Variants in GHR observed in about 807,000 individuals in gnomAD.
GHR encodes growth hormone receptor.
A neutral mutation model predicts 67.1 loss-of-function variants in GHR; 35 were observed. The ratio of observed to expected loss-of-function variants is 0.52; its 90% CI spans 0.40 to 0.69. GHR has a LOEUF of 0.69. Among genes scored for constraint, GHR ranks in the 30% least tolerant of loss-of-function variants. The pLI is 0.00. For missense variants in GHR, 792 were observed against 764.6 expected, an observed-to-expected ratio of 1.04 and a Z score of -0.42; for synonymous variants, 272 against 269.1, an observed-to-expected ratio of 1.01 and a Z score of -0.10.
intron 6 of GHR, among the ~76,000 whole-genome samples, chr5:42,710,869 A>G (rs1294408074): frequency 6.6e-6 from 1 of 152,092 alleles, no homozygotes; most frequent in East Asian, 1.9e-4. Flanking sequence ...AATATCCCAG[A>G]TATGTAGGCA....
Position 42,616,679 on chromosome 5 carries a change from A to G in GHR, c.71-12359A>G, listed in dbSNP as rs79527806. 8.4e-3 allele frequency among the ~76,000 whole-genome samples: 395 copies of G among 47,224 alleles called. 2 individuals are homozygous for G. In the African/African-American group the frequency reaches 0.11, roughly 13 times the overall value. The allele number at this position is 47,224 out of a possible 152,430, so 31.0% of individuals were successfully genotyped here. ...TCGATGAGATTCCCTTTGCAGGGGA[A>G]AAAAAAAAAAAAGCTAGAATATTGG... is the stretch of plus-strand genomic sequence containing the variant. On this transcript the variant is annotated intron_variant, in intron 2 of 9. Coordinates refer to ENST00000230882, the MANE Select transcript of GHR (RefSeq NM_000163.5).
intron 3 of GHR, among the ~76,000 whole-genome samples, chr5:42,676,004 T>C (rs1756554242): frequency 6.6e-6 from 1 of 152,170 alleles, no homozygotes; most frequent in South Asian, 2.1e-4. Context: ...AGGAAGAAAT[T>C]GGCTGGGTAT....
rs1759024575 is a variant in GHR, at chr5:42,721,563, A to G, written c.*2139A>G. On this transcript the variant is annotated 3_prime_UTR_variant, in exon 10 of 10. Coordinates refer to ENST00000230882, the MANE Select transcript of GHR (RefSeq NM_000163.5). ...AGCTACATAATTTAGTTTCATATAA[A>G]GTATCATCAGTGTAGAACCTAATTC... 2.6e-5 allele frequency: 4 copies of G among 152,658 alleles called. No individual in the cohort carries two copies. The highest frequency in any genetic ancestry group is 1.3e-4 in the Admixed American group (2 of 15,282). The allele number at this position is 152,658 out of a possible 1,614,324, so 9.5% of individuals were successfully genotyped here.
In GHR at chr5:42,455,895, C is replaced by T. The variant is rs924338382; in HGVS notation, c.-12+31940C>T. Reference sequence around the variant, plus strand: ...ACTTAGATCTGTGTTCTTTTTCTCCCGCTGGCTATAGGTTGCTTTAATCTC... The same window carrying T: ...ACTTAGATCTGTGTTCTTTTTCTCCTGCTGGCTATAGGTTGCTTTAATCTC... On this transcript the variant is annotated intron_variant, in intron 1 of 9. Transcript: ENST00000230882. Among the ~76,000 whole-genome samples the T allele has an allele frequency of 7.9e-5, 12 of 152,266 alleles. 1 individual carries two copies. The highest frequency in any genetic ancestry group is 2.9e-5 in the Non-Finnish European group (2 of 68,016).
At position 42,719,138 on chromosome 5, in the gene GHR, T is replaced by C. The variant is rs1417298594; in HGVS notation, c.1631T>C (p.Ile544Thr). 1 of 1,614,050 alleles carries C rather than the reference T, an allele frequency of 6.2e-7. No individual in the cohort carries two copies. The highest frequency in any genetic ancestry group is 1.1e-5 in the South Asian group (1 of 91,068). ...YFCEADAKKCIPVAPHIKVES... is the reference protein window; with the variant it reads ...YFCEADAKKCTPVAPHIKVES... ...TGTGAGGCAGATGCCAAAAAGTGCATCCCTGTGGCTCCTCACATCAAGGTT... is the reference window on the plus strand; with the variant it reads ...TGTGAGGCAGATGCCAAAAAGTGCACCCCTGTGGCTCCTCACATCAAGGTT... Residue 544 changes from isoleucine (I) to threonine (T), a missense_variant, in exon 10 of 10, where the codon ATC becomes ACC. Ile to Thr is a moderately conservative substitution (Grantham distance 89). Transcript: ENST00000230882.
chr5:42,505,309 G>T (rs1053090319), intron 1 of GHR, among the ~76,000 whole-genome samples: 1 of 151,832 alleles, frequency 6.6e-6, no homozygotes, highest in Non-Finnish European at 1.5e-5. Context: ...GTCATTACTT[G>T]AGCAATTTTT....
At chr5:42,670,880 A>AAT (rs55876651) in intron 3 of GHR, among the ~76,000 whole-genome samples, 43,957 of 117,534 alleles carry the variant, frequency 0.37, 8,613 homozygotes, top group Non-Finnish European at 0.44. Flanking sequence ...AAAAAAAAAA[A>AAT]ATATATATAT....
chr5:42,637,362 A>G (rs1352929050), intron 3 of GHR, among the ~76,000 whole-genome samples: 1 of 152,096 alleles, frequency 6.6e-6, no homozygotes, highest in African/African-American at 2.4e-5. Flanking sequence ...ACATGGGTCA[A>G]TTGCATGTCT....
At chr5:42,627,469 A>G (rs918880074) in intron 2 of GHR, among the ~76,000 whole-genome samples, 2 of 152,246 alleles carry the variant, frequency 1.3e-5, no homozygotes, top group African/African-American at 4.8e-5. Context: ...TATCATTTGA[A>G]AATGATGCCA....
At chr5:42,670,616 A>G (rs1756225541) in intron 3 of GHR, among the ~76,000 whole-genome samples, 1 of 152,116 alleles carries the variant, frequency 6.6e-6, no homozygotes, top group Non-Finnish European at 1.5e-5. Context: ...TTTGCAAATC[A>G]TATATTAGAT....
chr5:42,596,123 A>T (rs1752058246), intron 2 of GHR, among the ~76,000 whole-genome samples: 1 of 152,206 alleles, frequency 6.6e-6, no homozygotes, highest in Non-Finnish European at 1.5e-5. Context: ...TGTGAATGGC[A>T]GTCATTTTTT....
At chr5:42,714,742 A>G (rs974518652) in intron 8 of GHR, among the ~76,000 whole-genome samples, 3 of 152,158 alleles carry the variant, frequency 2.0e-5, no homozygotes, top group South Asian at 2.1e-4. Context: ...ACAATTTTCT[A>G]TTGTTTCAGG....
chr5:42,474,868 T>G (rs1745226911), intron 1 of GHR, among the ~76,000 whole-genome samples: 2 of 150,140 alleles, frequency 1.3e-5, no homozygotes, highest in African/African-American at 4.9e-5. Flanking sequence ...AACATTTTTT[T>G]CTTTTTTTTT....
intron 1 of GHR, among the ~76,000 whole-genome samples, chr5:42,475,246 A>G (rs889033638): frequency 2.0e-5 from 3 of 152,096 alleles, no homozygotes; most frequent in African/African-American, 7.2e-5. Flanking sequence ...GGAACTGGTA[A>G]AGAGCACTGG....
rs150771421 is a variant in GHR at position 42,424,899 on chromosome 5, C to T, written c.-12+944C>T. The T allele has an allele frequency of 3.8e-5, 23 of 613,272 alleles. No individual in the cohort carries two copies. The East Asian group carries it at 3.0e-3, about 79-fold the overall frequency. The allele number at this position is 613,272 out of a possible 1,614,324, so 38.0% of individuals were successfully genotyped here. On this transcript the variant is annotated intron_variant, in intron 1 of 9. Transcript: ENST00000230882. The surrounding 1 kb of genome is among the most constrained non-coding windows in gnomAD (Gnocchi z 4.1). ...TGTGTCCTGAATGAGTGTACGTGTG[C>T]GCTGTGTGTGCGCGCGCGAGTGTGC...
At chr5:42,646,316 A>C (rs897697562) in intron 3 of GHR, 4 of 454,266 alleles carry the variant, frequency 8.8e-6, no homozygotes, top group African/African-American at 4.0e-5. Flanking sequence ...CTCATTATCC[A>C]TTCTTCTCTT....
intron 2 of GHR, among the ~76,000 whole-genome samples, chr5:42,613,942 A>G (rs1400601199): frequency 3.3e-5 from 5 of 152,136 alleles, no homozygotes; most frequent in African/African-American, 1.2e-4. Flanking sequence ...GAATTTTCAC[A>G]AGTCCATTGA....
At chr5:42,458,043 G>A (rs1264237361) in intron 1 of GHR, among the ~76,000 whole-genome samples, 3 of 152,166 alleles carry the variant, frequency 2.0e-5, no homozygotes, top group African/African-American at 7.2e-5. Flanking sequence ...CTTAGGTACT[G>A]ATGTATTCAT....
intron 1 of GHR, among the ~76,000 whole-genome samples, chr5:42,506,517 G>T (rs954284265): frequency 1.3e-5 from 2 of 152,090 alleles, no homozygotes; most frequent in African/African-American, 4.8e-5. Context: ...ATATTCATTA[G>T]TTCTTTCCAT....
Sources: allele counts gnomAD v4.1 joint callset (sites outside exome capture counted in the v4.1 genomes callset), GRCh38; gene constraint gnomAD v4.1.1; non-coding constraint Gnocchi (gnomAD v3.1); transcripts MANE v1.5; gene names NCBI Gene and HGNC (gene_info 2026-07-23, HGNC 2026-07-21).